BRD10: variants seen among roughly 807,000 people sequenced by gnomAD.
BRD10 encodes uncharacterized bromodomain-containing protein 10.
At chr9:5,882,845 T>G in the BRD10 span, among the ~76,000 whole-genome samples, 1 of 152,190 alleles carries the variant, frequency 6.6e-6, no homozygotes, top group Non-Finnish European at 1.5e-5. Flanking sequence ...AAGGATGAGT[T>G]CATGTCCTTT....
chr9:5,989,890 C>T, the BRD10 span, among the ~76,000 whole-genome samples: 1 of 149,596 alleles, frequency 6.7e-6, no homozygotes, highest in African/African-American at 2.6e-5. Flanking sequence ...TGGACTATGT[C>T]CAGAGTGATT....
At chr9:5,912,309 C>T in the BRD10 span, among the ~76,000 whole-genome samples, 8 of 152,214 alleles carry the variant, frequency 5.3e-5, no homozygotes, top group African/African-American at 1.9e-4. Flanking sequence ...ATCATATTAT[C>T]AGCAAACAAG....
chr9:5,971,823 G>C, the BRD10 span, among the ~76,000 whole-genome samples: 1 of 152,006 alleles, frequency 6.6e-6, no homozygotes, highest in Non-Finnish European at 1.5e-5. Flanking sequence ...ACTCAGTAGA[G>C]GGGCATACTA....
At chr9:5,986,171 T>A in the BRD10 span, among the ~76,000 whole-genome samples, 1 of 152,162 alleles carries the variant, frequency 6.6e-6, no homozygotes, top group Non-Finnish European at 1.5e-5. Flanking sequence ...CCCCTCCCTG[T>A]GTCCATGTGT....
the BRD10 span, among the ~76,000 whole-genome samples, chr9:5,934,832 C>A: frequency 1.9e-4 from 29 of 152,286 alleles, no homozygotes; most frequent in African/African-American, 7.0e-4. Flanking sequence ...ATAATCTAAA[C>A]TCACATGTAT....
chr9:6,008,415 C>T, the BRD10 span, among the ~76,000 whole-genome samples: 2 of 152,068 alleles, frequency 1.3e-5, no homozygotes, highest in East Asian at 3.9e-4. Flanking sequence ...ACTCAGCCCC[C>T]CGGCTGGGAA....
chr9:5,986,718 T>C, the BRD10 span, among the ~76,000 whole-genome samples: 3 of 152,208 alleles, frequency 2.0e-5, no homozygotes, highest in Non-Finnish European at 2.9e-5. Context: ...TCCATTAAAT[T>C]ATCATAGTTA....
the BRD10 span, among the ~76,000 whole-genome samples, chr9:5,943,037 T>C: frequency 2.6e-5 from 4 of 152,024 alleles, no homozygotes; most frequent in Non-Finnish European, 5.9e-5. Flanking sequence ...ACCACCACGC[T>C]GAGCTAATTT....
chr9:5,965,056 T>TAA, the BRD10 span, among the ~76,000 whole-genome samples: 3 of 118,270 alleles, frequency 2.5e-5, no homozygotes, highest in Non-Finnish European at 5.3e-5. Context: ...TAAAGTATAA[T>TAA]AAAAAAAAAA....
At chr9:5,994,168 CAAT>C in the BRD10 span, among the ~76,000 whole-genome samples, 2 of 152,130 alleles carry the variant, frequency 1.3e-5, no homozygotes, top group South Asian at 4.2e-4. Flanking sequence ...TTTATACCAT[CAAT>C]AATGTTAAAA....
chr9:5,991,772 C>T, the BRD10 span, among the ~76,000 whole-genome samples: 125,925 of 150,816 alleles, frequency 0.83, 54,425 homozygotes, highest in Non-Finnish European at 0.97. Context: ...CTACCTTGCT[C>T]TGTCTCCTCC....
chr9:6,004,787 T>G, the BRD10 span, among the ~76,000 whole-genome samples: 4 of 152,226 alleles, frequency 2.6e-5, no homozygotes, highest in Non-Finnish European at 1.5e-5. Context: ...ATACCTTAGT[T>G]GCATTTCAAA....
chr9:5,918,184 C>A, the BRD10 span, among the ~76,000 whole-genome samples: 1 of 152,130 alleles, frequency 6.6e-6, no homozygotes, highest in Non-Finnish European at 1.5e-5. Context: ...TTCTGAGAGC[C>A]TTTAGTGACT....
the BRD10 span, among the ~76,000 whole-genome samples, chr9:5,900,159 A>C: frequency 1.8e-4 from 28 of 152,176 alleles, no homozygotes; most frequent in Admixed American, 1.6e-3. Flanking sequence ...TTTCTGCTTC[A>C]ATGCTCTCAT....
the BRD10 span, chr9:5,933,729 A>G: frequency 4.3e-6 from 2 of 469,044 alleles, no homozygotes; most frequent in Non-Finnish European, 8.9e-6. Context: ...TGTATGTGAA[A>G]TGAGTCGGGA....
the BRD10 span, among the ~76,000 whole-genome samples, chr9:5,935,227 G>A: frequency 2.6e-5 from 4 of 152,106 alleles, no homozygotes; most frequent in East Asian, 1.9e-4. Context: ...GAAAAGGAAC[G>A]CGTTTGTACT....
the BRD10 span, chr9:6,007,732 G>C: frequency 6.3e-7 from 1 of 1,599,260 alleles, no homozygotes; most frequent in African/African-American, 1.3e-5. Context: ...CGCCGGTGGC[G>C]GCCGCTCTTC....
At chr9:5,986,111 T>C in the BRD10 span, among the ~76,000 whole-genome samples, 1 of 152,208 alleles carries the variant, frequency 6.6e-6, no homozygotes, top group South Asian at 2.1e-4. Context: ...CTATTTATCC[T>C]GATGCTCTCC....
At chr9:5,920,573 G>A in the BRD10 span, 2 of 1,613,884 alleles carry the variant, frequency 1.2e-6, no homozygotes, top group African/African-American at 1.3e-5. Flanking sequence ...CGACAATTCA[G>A]TTTGAGGTTT....
Sources: gnomAD v4.1 joint callset for allele counts (sites outside exome capture counted in the v4.1 genomes callset) on GRCh38, gnomAD v4.1.1 for gene constraint, MANE v1.5 for transcripts, NCBI Gene and HGNC (gene_info 2026-07-23, HGNC 2026-07-21) for gene names.